Variants in PPP2R2C observed in about 807,000 individuals in gnomAD.
PPP2R2C encodes protein phosphatase 2, regulatory subunit B, gamma.
In PPP2R2C, 10 loss-of-function variants were observed where a neutral mutation model predicts 45.3. That is an observed-to-expected ratio of 0.22 (90% CI 0.14 to 0.37). The LOEUF (loss-of-function observed/expected upper bound fraction) is 0.37, where lower values mean the gene tolerates loss of function less well. PPP2R2C is among the 10% of genes least tolerant of loss of function. The pLI is 1.00. For missense variants in PPP2R2C, 308 were observed against 619.7 expected (o/e 0.50, Z 5.34); for synonymous variants, 257 against 245.4 (o/e 1.05, Z -0.44).
At chr4:6,462,473 C>T (rs1014396583) in intron 1 of PPP2R2C, among the ~76,000 whole-genome samples, 1 of 151,206 alleles carries the variant, frequency 6.6e-6, no homozygotes, top group Non-Finnish European at 1.5e-5. Context: ...AGTGAAACTC[C>T]GTCTTAAAAA....
At chr4:6,401,620 G>C (rs1382663305) in intron 1 of PPP2R2C, among the ~76,000 whole-genome samples, 1 of 152,074 alleles carries the variant, frequency 6.6e-6, no homozygotes, top group Non-Finnish European at 1.5e-5. Context: ...AGCCCTTTGA[G>C]CTCCACCCTC....
chr4:6,520,572 A>G (rs972586029), intron 2 of PPP2R2C, among the ~76,000 whole-genome samples: 2 of 152,218 alleles, frequency 1.3e-5, no homozygotes, highest in African/African-American at 4.8e-5. Context: ...CCCAAAACCA[A>G]TAAAAACTGG....
intron 6 of PPP2R2C, among the ~76,000 whole-genome samples, chr4:6,337,114 A>ATG (rs1733023875): frequency 1.6e-4 from 3 of 19,160 alleles, no homozygotes; most frequent in Non-Finnish European, 2.8e-4. Flanking sequence ...GTGTGTGTGT[A>ATG]TATATATATA....
chr4:6,386,968 C>T (rs1357901470), intron 1 of PPP2R2C, among the ~76,000 whole-genome samples: 1 of 151,976 alleles, frequency 6.6e-6, no homozygotes, highest in Non-Finnish European at 1.5e-5. Flanking sequence ...CACACCTTAA[C>T]AGAAATTGCT....
chr4:6,476,189 G>A (rs77584004), upstream of PPP2R2C, among the ~76,000 whole-genome samples: 12,104 of 152,246 alleles, frequency 0.08, 890 homozygotes, highest in East Asian at 0.39. Flanking sequence ...TGTTCAGCTT[G>A]AAGAACGACC....
At chr4:6,348,155 G>A (rs1353621072) in intron 5 of PPP2R2C, 145 bp from the exon 6 acceptor site, 21 of 918,046 alleles carry the variant, frequency 2.3e-5, no homozygotes, top group African/African-American at 6.6e-5. Context: ...CTCAAAATGC[G>A]TCCCCCTGAG....
At chr4:6,357,690 T>C (rs916260835) in intron 5 of PPP2R2C, among the ~76,000 whole-genome samples, 3 of 151,994 alleles carry the variant, frequency 2.0e-5, no homozygotes, top group African/African-American at 7.2e-5. Flanking sequence ...CCTATCCCGG[T>C]CCCCCATCCA....
intron 5 of PPP2R2C, among the ~76,000 whole-genome samples, chr4:6,363,185 T>C (rs1713968055): frequency 6.6e-6 from 1 of 152,182 alleles, no homozygotes; most frequent in Non-Finnish European, 1.5e-5. Flanking sequence ...CCTGGCCTTG[T>C]GAAGGCCCCA....
At chr4:6,447,167 G>A (rs1400028424) in intron 1 of PPP2R2C, among the ~76,000 whole-genome samples, 2 of 152,088 alleles carry the variant, frequency 1.3e-5, no homozygotes, top group East Asian at 3.9e-4. Context: ...AAGGAGCCCC[G>A]GGGTCTTGAG....
intron 1 of PPP2R2C, among the ~76,000 whole-genome samples, chr4:6,400,984 T>C (rs111350789): frequency 0.01 from 1,575 of 152,232 alleles, 30 homozygotes; most frequent in African/African-American, 0.036. Flanking sequence ...GTGTCCAAAG[T>C]AGAGACGTTC....
intron 1 of PPP2R2C, among the ~76,000 whole-genome samples, chr4:6,452,095 GT>G (rs1720767511): frequency 6.6e-6 from 1 of 152,106 alleles, no homozygotes; most frequent in African/African-American, 2.4e-5. Flanking sequence ...GTGTGGGGAG[GT>G]TGGGGAGGAC....
At chr4:6,464,642 ACTAC>A (rs1437515273) in intron 1 of PPP2R2C, among the ~76,000 whole-genome samples, 1 of 152,236 alleles carries the variant, frequency 6.6e-6, no homozygotes, top group African/African-American at 2.4e-5. Context: ...AACAAATTAG[ACTAC>A]CTAATGTTGA....
Position 6,364,490 on chromosome 4 carries a change from T to C in PPP2R2C, c.625+8033A>G, listed in dbSNP as rs1026477880. 4.6e-5 allele frequency among the ~76,000 whole-genome samples: 7 copies of C among 151,736 alleles called. No individual in the cohort carries two copies. The highest frequency in any genetic ancestry group is 4.8e-5 in the African/African-American group (2 of 41,330). ...AGTGACATGATCTTGTCGTTTTTTTTTTTCTCATGTTGTAGGAGAACAGAC... is the reference window on the plus strand; with the variant it reads ...AGTGACATGATCTTGTCGTTTTTTTCTTTCTCATGTTGTAGGAGAACAGAC... On this transcript the variant is annotated intron_variant, in intron 5 of 8. Coordinates refer to ENST00000382599, the MANE Select transcript of PPP2R2C (RefSeq NM_020416.4). The surrounding 1 kb of genome is among the most constrained non-coding windows in gnomAD (Gnocchi z 5.3).
chr4:6,351,252 G>T, intron 5 of PPP2R2C: 1 of 532,664 alleles, frequency 1.9e-6, no homozygotes, highest in African/African-American at 2.1e-5. Flanking sequence ...GGCAGAGGTT[G>T]CAGTGAGCTG....
At chr4:6,488,857 G>A (rs1722609722) in intron 2 of PPP2R2C, among the ~76,000 whole-genome samples, 1 of 152,150 alleles carries the variant, frequency 6.6e-6, no homozygotes, top group East Asian at 1.9e-4. Context: ...AGTCTGGCTG[G>A]TAAGAGCAGG....
At chr4:6,495,802 A>T (rs766026429) in intron 2 of PPP2R2C, among the ~76,000 whole-genome samples, 194 of 152,320 alleles carry the variant, frequency 1.3e-3, no homozygotes, top group Non-Finnish European at 2.3e-3. Context: ...TGCGTGGTGT[A>T]TGAGTTCCCA....
intron 1 of PPP2R2C, among the ~76,000 whole-genome samples, chr4:6,396,728 A>G (rs541267447): frequency 6.6e-6 from 1 of 152,358 alleles, no homozygotes; most frequent in African/African-American, 2.4e-5. Context: ...CAGGAGGCAG[A>G]GCCAGGGGTT....
At chr4:6,513,261 G>GT (rs1295868228) in intron 2 of PPP2R2C, among the ~76,000 whole-genome samples, 3 of 152,194 alleles carry the variant, frequency 2.0e-5, no homozygotes. Flanking sequence ...ACAGGCTTTG[G>GT]TTTTCCATCC....
chr4:6,362,332 G>A (rs1349305306), intron 5 of PPP2R2C, among the ~76,000 whole-genome samples: 1 of 152,126 alleles, frequency 6.6e-6, no homozygotes, highest in Non-Finnish European at 1.5e-5. Context: ...TGGGGCTCAG[G>A]CCTGGGGTCA....
Sources: allele counts gnomAD v4.1 joint callset (sites outside exome capture counted in the v4.1 genomes callset), GRCh38; gene constraint gnomAD v4.1.1; non-coding constraint Gnocchi (gnomAD v3.1); transcripts MANE v1.5; gene names NCBI Gene and HGNC (gene_info 2026-07-23, HGNC 2026-07-21).